CNKSR2: variants seen among roughly 807,000 people sequenced by gnomAD.
CNKSR2 encodes connector enhancer of kinase suppressor of Ras 2, also known as CNK homolog protein 2.
A neutral mutation model predicts 84.4 loss-of-function variants in CNKSR2; 14 were observed. The observed-to-expected ratio is 0.17, with a 90% CI of 0.11 to 0.26. The LOEUF is 0.26. Among genes scored for constraint, CNKSR2 ranks in the 10% least tolerant of loss-of-function variants. The pLI is 1.00. For missense variants in CNKSR2, 485 were observed against 771.2 expected, an observed-to-expected ratio of 0.63 and a Z score of 4.40; for synonymous variants, 275 against 277.9, an observed-to-expected ratio of 0.99 and a Z score of 0.10.
At chrX:21,584,603 C>A (rs763541730) in intron 13 of CNKSR2, among the ~76,000 whole-genome samples, 1 of 111,902 alleles carries the variant, frequency 8.9e-6, no homozygotes, top group Non-Finnish European at 1.9e-5. Flanking sequence ...GTAGAATTTA[C>A]TAAAAAGAAA....
intron 1 of CNKSR2, among the ~76,000 whole-genome samples, chrX:21,409,066 G>A (rs1421387842): frequency 9.4e-6 from 1 of 106,943 alleles, no homozygotes; most frequent in Non-Finnish European, 1.9e-5. Context: ...TGTGGTAAGA[G>A]ATGAGTACAG....
chrX:21,392,208 C>T (rs2090060433), intron 1 of CNKSR2, among the ~76,000 whole-genome samples: 1 of 111,946 alleles, frequency 8.9e-6, no homozygotes, highest in Non-Finnish European at 1.9e-5. Flanking sequence ...GCCCTCCAGA[C>T]TGTTCCAACC....
chrX:21,431,819 AT>A (rs2147065999), intron 2 of CNKSR2, among the ~76,000 whole-genome samples: 1 of 111,938 alleles, frequency 8.9e-6, no homozygotes, highest in African/African-American at 3.2e-5. Context: ...GCTATAAAGT[AT>A]AATAGATAAG....
intron 7 of CNKSR2, 113 bp from the exon 8 acceptor site, chrX:21,501,407 T>G (rs112637857): frequency 0.021 from 8,286 of 389,458 alleles, 492 homozygotes; most frequent in African/African-American, 0.17. Flanking sequence ...CTTGAAATTT[T>G]TAATTAATTT....
At chrX:21,606,702 T>C in intron 18 of CNKSR2, 77 bp from the exon 19 acceptor site, 1 of 611,004 alleles carries the variant, frequency 1.6e-6, no homozygotes, top group South Asian at 3.4e-5. Context: ...TTTTTTTAAA[T>C]GATAGTTTAT....
rs138755789 is a variant in CNKSR2, at chrX:21,553,497, G to T, written c.1304-7974G>T. Among the ~76,000 whole-genome samples the T allele has an allele frequency of 8.6e-3, 931 of 107,890 alleles. 8 individuals carry two copies. Among genetic ancestry groups the T allele is most frequent in the African/African-American group, 0.029 (841 of 29,459 alleles). The allele number at this position is 107,890 out of a possible 115,157, so 93.7% of individuals were successfully genotyped here. ...TTTTGTTCTGTGAATGTGTCCATTA[G>T]GGTCCTACATTGTCAATAAAAGTGA... is the stretch of plus-strand genomic sequence containing the variant. On this transcript the variant is annotated intron_variant, in intron 11 of 21. Coordinates refer to ENST00000379510, the MANE Select transcript of CNKSR2 (RefSeq NM_014927.5).
Position 21,374,811 on chromosome X carries a change from C to A in CNKSR2, c.-87C>A. ...GCCCGCCCAGGGAGGCTGCGGCCAGCAAGGGACCCCACCTGAGAGCAGCTC... is the reference window on the plus strand; with the variant it reads ...GCCCGCCCAGGGAGGCTGCGGCCAGAAAGGGACCCCACCTGAGAGCAGCTC... On this transcript the variant is annotated 5_prime_UTR_variant, in exon 1 of 22. Coordinates refer to ENST00000379510, the MANE Select transcript of CNKSR2 (RefSeq NM_014927.5). 1.2e-6 allele frequency: 1 copy of A among 850,870 alleles called. No individual in the cohort carries two copies. Among genetic ancestry groups the A allele is most frequent in the Non-Finnish European group, 1.8e-6 (1 of 567,940 alleles). The allele number at this position is 850,870 out of a possible 1,213,427, so 70.1% of individuals were successfully genotyped here.
At chrX:21,543,979 G>C (rs1429369038) in intron 11 of CNKSR2, among the ~76,000 whole-genome samples, 5 of 110,849 alleles carry the variant, frequency 4.5e-5, no homozygotes, top group Non-Finnish European at 9.4e-5. Flanking sequence ...GCATCACCAC[G>C]CCTGGCTAAT....
At chrX:21,493,269 G>A (rs1405863446) in intron 6 of CNKSR2, 1 of 112,377 alleles carries the variant, frequency 8.9e-6, no homozygotes, top group Admixed American at 9.4e-5. Flanking sequence ...GAAAATGAGA[G>A]CTATTGAAAC....
chrX:21,598,955 A>C (rs1416190696), intron 17 of CNKSR2, among the ~76,000 whole-genome samples: 1 of 113,083 alleles, frequency 8.8e-6, no homozygotes, highest in Non-Finnish European at 1.9e-5. Flanking sequence ...TTAATCCTAA[A>C]GGATAAGTTT....
intron 5 of CNKSR2, among the ~76,000 whole-genome samples, chrX:21,474,712 A>G (rs1324816503): frequency 8.9e-6 from 1 of 111,789 alleles, no homozygotes; most frequent in African/African-American, 3.3e-5. Context: ...GTCTGGTATA[A>G]TGAAACGCCT....
intron 13 of CNKSR2, among the ~76,000 whole-genome samples, chrX:21,589,429 A>G (rs1192176942): frequency 8.9e-6 from 1 of 112,337 alleles, no homozygotes; most frequent in Non-Finnish European, 1.9e-5. Context: ...GTTGCCCCTT[A>G]TAGATATATC....
At chrX:21,447,258 C>T (rs1201848315) in intron 4 of CNKSR2, among the ~76,000 whole-genome samples, 1 of 111,446 alleles carries the variant, frequency 9.0e-6, no homozygotes, top group African/African-American at 3.2e-5. Context: ...TTATCATGGA[C>T]ATTTGGGTAT....
At chrX:21,616,698 A>G (rs1195090159) in intron 20 of CNKSR2, among the ~76,000 whole-genome samples, 1 of 112,066 alleles carries the variant, frequency 8.9e-6, no homozygotes, top group Non-Finnish European at 1.9e-5. Flanking sequence ...CATCTGAAAT[A>G]ACTAGTTCAT....
At chrX:21,605,436 GA>G (rs1257337426) in intron 18 of CNKSR2, among the ~76,000 whole-genome samples, 1 of 112,304 alleles carries the variant, frequency 8.9e-6, no homozygotes, top group Admixed American at 9.4e-5. Context: ...GAATATAGTT[GA>G]GAATGTATTT....
Position 21,399,757 on chromosome X carries a change from G to C in CNKSR2, c.64+24796G>C, listed in dbSNP as rs774371314. On this transcript the variant is annotated intron_variant, in intron 1 of 21. Coordinates refer to ENST00000379510, the MANE Select transcript of CNKSR2 (RefSeq NM_014927.5). ...ACTATTGTATAACTAACTACCACCA[G>C]CATACATCGTCACTACATTACAGTG... 3.6e-5 allele frequency among the ~76,000 whole-genome samples: 4 copies of C among 111,449 alleles called. No individual in the cohort carries two copies. In the South Asian group the frequency reaches 1.5e-3, roughly 42 times the overall value.
intron 17 of CNKSR2, among the ~76,000 whole-genome samples, chrX:21,596,975 T>C (rs1345699088): frequency 2.7e-5 from 3 of 111,714 alleles, no homozygotes; most frequent in Non-Finnish European, 5.7e-5. Flanking sequence ...TTACTATCCA[T>C]TTTACCATAT....
chrX:21,502,582 T>C (rs1462763995), intron 8 of CNKSR2, among the ~76,000 whole-genome samples: 1 of 110,653 alleles, frequency 9.0e-6, no homozygotes, highest in African/African-American at 3.3e-5. Flanking sequence ...CTGATTTTTC[T>C]CAGTGATTCT....
At chrX:21,631,021 A>AT (rs200989845) in intron 20 of CNKSR2, among the ~76,000 whole-genome samples, 15 of 109,251 alleles carry the variant, frequency 1.4e-4, no homozygotes, top group African/African-American at 2.0e-4. Flanking sequence ...TAATATTGGG[A>AT]TTTTTTTTTA....
Sources: gnomAD v4.1 joint callset for allele counts (sites outside exome capture counted in the v4.1 genomes callset) on GRCh38, gnomAD v4.1.1 for gene constraint, MANE v1.5 for transcripts, NCBI Gene and HGNC (gene_info 2026-07-23, HGNC 2026-07-21) for gene names.